Variants in SLIT3 observed in about 807,000 individuals in gnomAD.
SLIT3 encodes the protein slit guidance ligand 3.
Under a neutral mutation model 184.0 loss-of-function variants are expected in SLIT3, and 68 were observed. The ratio of observed to expected loss-of-function variants is 0.37; its 90% CI spans 0.30 to 0.45. The LOEUF (loss-of-function observed/expected upper bound fraction) is 0.45. Among genes scored for constraint, SLIT3 ranks in the 20% least tolerant of loss-of-function variants. The pLI is 1.00. For missense variants in SLIT3, 1,707 were observed against 2,026.0 expected, an observed-to-expected ratio of 0.84 and a Z score of 3.02; for synonymous variants, 831 against 828.6, an observed-to-expected ratio of 1.00 and a Z score of -0.05.
At chr5:169,197,973 G>A (rs927010733) in intron 3 of SLIT3, among the ~76,000 whole-genome samples, 4 of 151,984 alleles carry the variant, frequency 2.6e-5, no homozygotes, top group Admixed American at 6.6e-5. Flanking sequence ...CCACTTCATC[G>A]AACCCATCCA....
At chr5:168,869,780 C>T (rs1177160957) in intron 5 of SLIT3, among the ~76,000 whole-genome samples, 1 of 152,222 alleles carries the variant, frequency 6.6e-6, no homozygotes, top group Admixed American at 6.5e-5. Flanking sequence ...CCACTGGGTA[C>T]TTACTTGTCT....
chr5:169,149,689 T>C (rs759132155), intron 4 of SLIT3, among the ~76,000 whole-genome samples: 43 of 152,238 alleles, frequency 2.8e-4, no homozygotes, highest in Admixed American at 6.5e-5. Flanking sequence ...AAAATCTGGT[T>C]ACACAAAAGT....
chr5:168,670,558 G>A (rs531004495), intron 34 of SLIT3, among the ~76,000 whole-genome samples: 18 of 152,274 alleles, frequency 1.2e-4, no homozygotes, highest in East Asian at 9.7e-4. Flanking sequence ...GCCAGGATCC[G>A]TATTATAGAG....
At chr5:168,757,365 G>A (rs1193809670) in intron 16 of SLIT3, among the ~76,000 whole-genome samples, 5 of 152,220 alleles carry the variant, frequency 3.3e-5, no homozygotes, top group Non-Finnish European at 1.5e-5. Flanking sequence ...ACGCAGCCAA[G>A]TTCCACATTT....
chr5:168,797,823 T>C (rs1450428708), intron 9 of SLIT3, among the ~76,000 whole-genome samples: 3 of 152,190 alleles, frequency 2.0e-5, no homozygotes, highest in African/African-American at 4.8e-5. Context: ...AAATAGCTTG[T>C]CCAAAGTGAC....
chr5:169,212,838 G>A (rs182349216), intron 3 of SLIT3, among the ~76,000 whole-genome samples: 16 of 152,250 alleles, frequency 1.1e-4, no homozygotes, highest in African/African-American at 2.6e-4. Context: ...TAAGGAAGGC[G>A]TCCAGTTTCA....
At chr5:168,793,416 T>A (rs1246780748) in intron 10 of SLIT3, among the ~76,000 whole-genome samples, 2 of 152,184 alleles carry the variant, frequency 1.3e-5, no homozygotes, top group African/African-American at 4.8e-5. Flanking sequence ...AAACCATTGA[T>A]TGCACTTCAG....
rs149898998 is a variant in SLIT3, at chr5:168,996,212, C to G, written c.414-112876G>C. 1.0e-3 allele frequency among the ~76,000 whole-genome samples: 154 copies of G among 152,266 alleles called. 1 individual carries two copies. Among genetic ancestry groups the G allele is most frequent in the African/African-American group, 3.5e-3 (144 of 41,562 alleles). On this transcript the variant is annotated intron_variant, in intron 4 of 35. Coordinates refer to ENST00000519560, the MANE Select transcript of SLIT3 (RefSeq NM_003062.4). ...TTTGCCCTTTCAGAGGGAGAACAAACAGAGAGGCATTAAGTCTGCAAGCAC... is the reference window on the plus strand; with the variant it reads ...TTTGCCCTTTCAGAGGGAGAACAAAGAGAGAGGCATTAAGTCTGCAAGCAC...
intron 3 of SLIT3, among the ~76,000 whole-genome samples, chr5:169,222,204 GAATT>G (rs1418721558): frequency 2.6e-5 from 4 of 152,038 alleles, no homozygotes; most frequent in Admixed American, 6.6e-5. Context: ...ATATTTCTGT[GAATT>G]AATTCCTGTT....
chr5:169,123,865 G>C (rs1254635170), intron 4 of SLIT3, among the ~76,000 whole-genome samples: 1 of 152,096 alleles, frequency 6.6e-6, no homozygotes, highest in Non-Finnish European at 1.5e-5. Context: ...GATGTTCTAG[G>C]GGGCCAAAAA....
intron 4 of SLIT3, among the ~76,000 whole-genome samples, chr5:169,000,322 G>A (rs763884453): frequency 6.8e-6 from 1 of 146,000 alleles, no homozygotes; most frequent in African/African-American, 2.6e-5. Context: ...AACCTGGGAG[G>A]CAGAGGTTGC....
intron 4 of SLIT3, among the ~76,000 whole-genome samples, chr5:168,954,100 T>C (rs1033191868): frequency 1.3e-5 from 2 of 152,090 alleles, no homozygotes; most frequent in African/African-American, 4.8e-5. Flanking sequence ...TTATTCTAGA[T>C]GATCAAGCGT....
chr5:168,894,410 T>C (rs867843041), intron 4 of SLIT3, among the ~76,000 whole-genome samples: 5 of 152,368 alleles, frequency 3.3e-5, no homozygotes, highest in Admixed American at 1.3e-4. Context: ...GCTTGGTCCA[T>C]GGATGACTGA....
intron 1 of SLIT3, among the ~76,000 whole-genome samples, chr5:169,276,769 T>C (rs1474317251): frequency 1.3e-5 from 2 of 152,194 alleles, no homozygotes; most frequent in Non-Finnish European, 2.9e-5. Context: ...GAAATGTGCA[T>C]CTACTATAGG....
At chr5:169,232,969 T>A (rs888531219) in intron 3 of SLIT3, among the ~76,000 whole-genome samples, 3 of 152,214 alleles carry the variant, frequency 2.0e-5, no homozygotes, top group Admixed American at 2.0e-4. Flanking sequence ...TCTGTCTTTC[T>A]GTGTTAAGGC....
In SLIT3 at chr5:168,666,300, TTTTG is replaced by T. The variant is rs146334719; in HGVS notation, c.*150_*153del. 1,611 of 642,798 alleles carry T rather than the reference TTTTG, an allele frequency of 2.5e-3. 45 individuals are homozygous for T. The East Asian group carries it at 0.041, about 16-fold the overall frequency. The allele number at this position is 642,798 out of a possible 1,614,324, so 39.8% of individuals were successfully genotyped here. On this transcript the variant is annotated 3_prime_UTR_variant, in exon 36 of 36. Coordinates refer to ENST00000519560, the MANE Select transcript of SLIT3 (RefSeq NM_003062.4). ...TTCCATAATAAAAATAAGTTCTATT[TTTTG>T]TTTATTTTACAATATACTTAATATT...
chr5:169,148,167 C>T (rs575499196), intron 4 of SLIT3, among the ~76,000 whole-genome samples: 31 of 152,264 alleles, frequency 2.0e-4, no homozygotes, highest in Middle Eastern at 3.4e-3. Flanking sequence ...ACTATTGCTG[C>T]TTATGTTCAG....
chr5:169,117,321 G>T (rs545583159), intron 4 of SLIT3, among the ~76,000 whole-genome samples: 1 of 152,190 alleles, frequency 6.6e-6, no homozygotes, highest in African/African-American at 2.4e-5. Context: ...AACTGGAAGT[G>T]AGTGAGCAAA....
In SLIT3 at chr5:169,273,746, A is replaced by C. The variant is rs542171046; in HGVS notation, c.198-22287T>G. On this transcript the variant is annotated intron_variant, in intron 1 of 35. Transcript: ENST00000519560. The stretch of plus-strand genomic sequence containing the variant: ...TGGGCTTAAGATAAGGTAAACCTTC[A>C]GGACTTTGGCCACAAGGACCAGCTA... Among the ~76,000 whole-genome samples, 10 of 152,304 alleles carry C rather than the reference A, an allele frequency of 6.6e-5. No homozygotes were observed. The South Asian group carries it at 1.7e-3, about 25-fold the overall frequency.
Sources: gnomAD v4.1 joint callset for allele counts (sites outside exome capture counted in the v4.1 genomes callset) on GRCh38, gnomAD v4.1.1 for gene constraint, MANE v1.5 for transcripts, NCBI Gene and HGNC (gene_info 2026-07-23, HGNC 2026-07-21) for gene names.